PPCDC: variants seen among roughly 807,000 people sequenced by gnomAD.
PPCDC encodes the protein phosphopantothenoylcysteine decarboxylase.
In PPCDC, 20 loss-of-function variants were observed where a neutral mutation model predicts 20.7. The observed-to-expected ratio is 0.97, with a 90% CI of 0.68 to 1.41. The LOEUF (loss-of-function observed/expected upper bound fraction) is 1.41. Ranked by LOEUF, PPCDC falls within the 40% of genes most tolerant of loss-of-function variation. The probability of loss-of-function intolerance (pLI) is 0.00; values close to 1 mark genes in which losing one functional copy is unlikely to be tolerated. For missense variants in PPCDC, 246 were observed against 263.8 expected (o/e 0.93, Z 0.47); for synonymous variants, 88 against 100.3 (o/e 0.88, Z 0.73).
In PPCDC at chr15:75,040,788, A is replaced by G. The variant is rs187471243; in HGVS notation, c.136-2653A>G. Among the ~76,000 whole-genome samples, 23 of 152,118 alleles carry G rather than the reference A, an allele frequency of 1.5e-4. No individual in the cohort carries two copies. The East Asian group carries it at 3.9e-3, about 26-fold the overall frequency. On this transcript the variant is annotated intron_variant, in intron 2 of 5. Coordinates refer to ENST00000342932, the MANE Select transcript of PPCDC (RefSeq NM_021823.5). ...GGCTCCGCCCACTTCAGCTTCCCGA[A>G]TATAGCTGGGACTACAGGCGCACAC...
In PPCDC at chr15:75,040,004, G is replaced by A. The variant is rs1046728163; in HGVS notation, c.136-3437G>A. Among the ~76,000 whole-genome samples, 33 of 152,170 alleles carry A rather than the reference G, an allele frequency of 2.2e-4. 1 individual carries two copies. Among genetic ancestry groups the A allele is most frequent in the Admixed American group, 1.4e-3 (22 of 15,278 alleles). ...TCTCCTTGTTGGTCAGGCTGATCTC[G>A]ACCTCCCCACCTCAGGTGATCTGCC... is the stretch of plus-strand genomic sequence containing the variant. On this transcript the variant is annotated intron_variant, in intron 2 of 5. Transcript: ENST00000342932.
intron 4 of PPCDC, among the ~76,000 whole-genome samples, chr15:75,046,111 A>G (rs1490644471): frequency 1.3e-5 from 2 of 152,128 alleles, no homozygotes; most frequent in Middle Eastern, 3.2e-3. Flanking sequence ...GCTACTCAGG[A>G]GGCTGAGGTG....
In PPCDC at chr15:75,048,568, G is replaced by A. The variant is rs781482824; in HGVS notation, c.376G>A (p.Ala126Thr). The A allele has an allele frequency of 6.2e-7, 1 of 1,614,000 alleles. No homozygotes were observed. The highest frequency in any genetic ancestry group is 8.5e-7 in the Non-Finnish European group (1 of 1,179,942). The change falls in exon 5 of 6, where the codon GCC (alanine) becomes ACC (threonine). Residue 126 changes from alanine to threonine, a missense_variant. Physicochemically the swap from Ala to Thr is moderately conservative, Grantham distance 58. This residue lies in a region of PPCDC where 225 missense variants were observed against 222.6 expected (regional missense o/e 1.01). Coordinates refer to ENST00000342932, the MANE Select transcript of PPCDC (RefSeq NM_021823.5). ...TTCTTCACAGACCTGCGTCATGCGG[G>A]CCTGGGACCGCAGCAAGCCCCTGCT... ...CDNLLTCVMRAWDRSKPLLFC... is the reference protein window; with the variant it reads ...CDNLLTCVMRTWDRSKPLLFC...
intron 1 of PPCDC, among the ~76,000 whole-genome samples, chr15:75,026,274 A>G (rs925179722): frequency 3.3e-5 from 5 of 152,162 alleles, no homozygotes; most frequent in African/African-American, 1.2e-4. Flanking sequence ...GAGAATAAAG[A>G]ATGTGCCTCC....
At chr15:75,026,682 C>T (rs987013731) in intron 1 of PPCDC, among the ~76,000 whole-genome samples, 5 of 152,224 alleles carry the variant, frequency 3.3e-5, no homozygotes, top group African/African-American at 9.6e-5. Context: ...AACTCACCAG[C>T]GCTGCTTCCT....
At chr15:75,039,494 G>C (rs139830151) in intron 2 of PPCDC, among the ~76,000 whole-genome samples, 1 of 152,180 alleles carries the variant, frequency 6.6e-6, no homozygotes, top group Non-Finnish European at 1.5e-5. Flanking sequence ...GGGGACTTTA[G>C]CTGTTCCTTC....
Position 75,028,288 on chromosome 15 carries a change from G to A in PPCDC, c.-31G>A, listed in dbSNP as rs369901062. ...GCTTTATAGAGCCCAGGCCTGGCAG[G>A]CTCCCAGAACTTGAAGCCACCAGAC... On this transcript the variant is annotated 5_prime_UTR_variant, in exon 2 of 6. Coordinates refer to ENST00000342932, the MANE Select transcript of PPCDC (RefSeq NM_021823.5). The A allele has an allele frequency of 1.9e-6, 3 of 1,609,986 alleles. No individual in the cohort carries two copies. The highest frequency in any genetic ancestry group is 1.3e-5 in the African/African-American group (1 of 74,356).
At chr15:75,031,666 T>G (rs1175639105) in intron 2 of PPCDC, among the ~76,000 whole-genome samples, 3 of 152,276 alleles carry the variant, frequency 2.0e-5, no homozygotes, top group African/African-American at 7.2e-5. Context: ...ATCATGCCAC[T>G]GCACTCCAGT....
intron 1 of PPCDC, among the ~76,000 whole-genome samples, chr15:75,027,047 G>A (rs1595896225): frequency 6.6e-6 from 1 of 152,308 alleles, no homozygotes; most frequent in African/African-American, 2.4e-5. Flanking sequence ...TGGACTGCTG[G>A]TTGGCAATTA....
chr15:75,029,592 G>C (rs1469673258), intron 2 of PPCDC, among the ~76,000 whole-genome samples: 1 of 151,990 alleles, frequency 6.6e-6, no homozygotes, highest in African/African-American at 2.4e-5. Flanking sequence ...CCAGGGCTGG[G>C]ATAAGCCATG....
At chr15:75,043,014 G>C (rs901401196) in intron 2 of PPCDC, among the ~76,000 whole-genome samples, 2 of 152,274 alleles carry the variant, frequency 1.3e-5, no homozygotes, top group Non-Finnish European at 2.9e-5. Context: ...GCAGAGGGCA[G>C]AGCTGCTGTG....
At chr15:75,024,219 G>GTA (rs1214157811) in intron 1 of PPCDC, among the ~76,000 whole-genome samples, 54 of 152,206 alleles carry the variant, frequency 3.5e-4, no homozygotes, top group Non-Finnish European at 2.8e-4. Context: ...GGTTGTCCTG[G>GTA]AGCAGGGGTT....
Position 75,049,378 on chromosome 15 carries a change from G to A in PPCDC, c.*143G>A. On this transcript the variant is annotated 3_prime_UTR_variant, in exon 6 of 6. Transcript: ENST00000342932. The stretch of plus-strand genomic sequence containing the variant: ...CTGAGCCTGCCCAGGGGCCAGGCCT[G>A]CTCCAGGTTAAACTGGACGGAAGGC... 2 of 758,552 alleles carry A rather than the reference G, an allele frequency of 2.6e-6. No individual in the cohort carries two copies. The highest frequency in any genetic ancestry group is 4.3e-6 in the Non-Finnish European group (2 of 463,874). The allele number at this position is 758,552 out of a possible 1,614,324, so 47.0% of individuals were successfully genotyped here.
chr15:75,036,918 G>A (rs578110513), intron 2 of PPCDC, among the ~76,000 whole-genome samples: 204 of 152,096 alleles, frequency 1.3e-3, no homozygotes, highest in Non-Finnish European at 2.1e-3. Flanking sequence ...CAATCCGCCC[G>A]TCTCTGCCTC....
chr15:75,030,213 C>T (rs2066005514), intron 2 of PPCDC, among the ~76,000 whole-genome samples: 1 of 152,186 alleles, frequency 6.6e-6, no homozygotes, highest in Non-Finnish European at 1.5e-5. Context: ...CTGATTCCTG[C>T]TGCCCATCCC....
At position 75,050,368 on chromosome 15, in the gene PPCDC, C is replaced by G. The variant is rs1460316074; in HGVS notation, c.*1133C>G. On this transcript the variant is annotated 3_prime_UTR_variant, in exon 6 of 6. Transcript: ENST00000342932. ...CTCCCTACCCCCCAGTACACATGAC[C>G]AAGGGAAGTAGATCCAGAGACACCA... 2 of 152,270 alleles carry G rather than the reference C, an allele frequency of 1.3e-5. No individual in the cohort carries two copies. Among genetic ancestry groups the G allele is most frequent in the Admixed American group, 1.3e-4 (2 of 15,284 alleles). The allele number at this position is 152,270 out of a possible 1,614,324, so 9.4% of individuals were successfully genotyped here.
intron 2 of PPCDC, among the ~76,000 whole-genome samples, chr15:75,029,993 G>T (rs2066002901): frequency 6.6e-6 from 1 of 152,150 alleles, no homozygotes; most frequent in Admixed American, 6.5e-5. Context: ...TGAGGAAAGG[G>T]TTGCCTGGAG....
chr15:75,044,535 C>T lies in PPCDC; in HGVS notation c.360+21C>T, dbSNP rs1369627591. ...TGCTTGTGAGTGATGTCCTGGTGCC[C>T]TCGTCCGTCCCTGGGCCTCACACCC... is the stretch of plus-strand genomic sequence containing the variant. On this transcript the variant is annotated intron_variant, in intron 4 of 5. Coordinates refer to ENST00000342932, the MANE Select transcript of PPCDC (RefSeq NM_021823.5). 1.9e-6 allele frequency: 3 copies of T among 1,609,600 alleles called. No homozygotes were observed. The South Asian group carries it at 3.3e-5, about 18-fold the overall frequency.
rs1176356229 is a variant in PPCDC, at chr15:75,043,542, T to C, written c.231+6T>C. The C allele has an allele frequency of 7.5e-6, 12 of 1,602,828 alleles. No homozygotes were observed. Among genetic ancestry groups the C allele is most frequent in the Non-Finnish European group, 1.0e-5 (12 of 1,173,534 alleles). On this transcript the variant is annotated splice_donor_region_variant and intron_variant, in intron 3 of 5. Transcript: ENST00000342932. Reference sequence around the variant, plus strand: ...GCGACGCTGATGAATGGGAGGTCAGTGCTGGGGCCCCTGGGCTGAGTTCCA... The same window carrying C: ...GCGACGCTGATGAATGGGAGGTCAGCGCTGGGGCCCCTGGGCTGAGTTCCA...
Sources: allele counts gnomAD v4.1 joint callset (sites outside exome capture counted in the v4.1 genomes callset), GRCh38; gene constraint gnomAD v4.1.1; regional missense constraint gnomAD v4.1.1; transcripts MANE v1.5; gene names NCBI Gene and HGNC (gene_info 2026-07-23, HGNC 2026-07-21).